The following NPTX2 variants were observed in gnomAD, a reference collection of about 807,000 sequenced individuals.
NPTX2 encodes the protein neuronal pentraxin 2.
In NPTX2, 23 loss-of-function variants were observed where a neutral mutation model predicts 38.1. That is an observed-to-expected ratio of 0.60 (90% CI 0.43 to 0.85). The LOEUF (loss-of-function observed/expected upper bound fraction) is 0.85. Among genes scored for constraint, NPTX2 ranks in the 40% least tolerant of loss-of-function variants. NPTX2 has a pLI of 0.00. For missense variants in NPTX2, 553 were observed against 615.3 expected, an observed-to-expected ratio of 0.90 and a Z score of 1.07; for synonymous variants, 291 against 287.3, an observed-to-expected ratio of 1.01 and a Z score of -0.13.
At position 98,619,846 on chromosome 7, in the gene NPTX2, C is replaced by T. The variant is rs773856934; in HGVS notation, c.630C>T (p.Thr210=). 9 of 1,613,662 alleles carry T rather than the reference C, an allele frequency of 5.6e-6. No homozygotes were observed. In the South Asian group the frequency reaches 7.7e-5, roughly 14 times the overall value. ...STLNALLQRV[T]ELERGNSAFK... is the part of the protein sequence containing the mutation. ...TGAACGCGCTGCTGCAGAGGGTCAC[C>T]GAGCTGGAGCGAGGTGTGTGCCTGG... Residue 210 remains threonine, a synonymous_variant, in exon 2 of 5, where the codon ACC becomes ACT. Transcript: ENST00000265634.
Position 98,619,862 on chromosome 7 carries a change from G to C in NPTX2, c.643+3G>C, listed in dbSNP as rs1791246876. 6 of 1,612,904 alleles carry C rather than the reference G, an allele frequency of 3.7e-6. No homozygotes were observed. The highest frequency in any genetic ancestry group is 5.1e-6 in the Non-Finnish European group (6 of 1,179,586). On this transcript the variant is annotated splice_donor_region_variant and intron_variant, in intron 2 of 4. Coordinates refer to ENST00000265634, the MANE Select transcript of NPTX2 (RefSeq NM_002523.3). Reference sequence around the variant, plus strand: ...GAGGGTCACCGAGCTGGAGCGAGGTGTGTGCCTGGCCTGTTTCTCTGTCTG... The same window carrying C: ...GAGGGTCACCGAGCTGGAGCGAGGTCTGTGCCTGGCCTGTTTCTCTGTCTG...
chr7:98,626,771 C>CACAG (rs3063921), intron 3 of NPTX2, among the ~76,000 whole-genome samples: 23,472 of 152,112 alleles, frequency 0.15, 2,887 homozygotes, highest in African/African-American at 0.34. Flanking sequence ...ACCCGCAGCA[C>CACAG]ACAGATCCCT....
At position 98,617,661 on chromosome 7, in the gene NPTX2, G is replaced by A; in HGVS notation, c.200G>A (p.Arg67His). ...EELRAAVLQL[R>H]ETVVQQKETL... ...CTGAGGGCCGCGGTGCTGCAGCTGC[G>A]CGAGACCGTCGTGCAGCAGAAGGAG... is the stretch of plus-strand genomic sequence containing the variant. Residue 67 changes from arginine to histidine, a missense_variant, in exon 1 of 5, where the codon CGC becomes CAC. By Grantham distance (29) the Arg-to-His change is conservative (BLOSUM62 0). Coordinates refer to ENST00000265634, the MANE Select transcript of NPTX2 (RefSeq NM_002523.3). 1 of 1,481,312 alleles carries A rather than the reference G, an allele frequency of 6.8e-7. No individual in the cohort carries two copies. Among genetic ancestry groups the A allele is most frequent in the South Asian group, 1.3e-5 (1 of 78,176 alleles). The allele number at this position is 1,481,312 out of a possible 1,614,324, so 91.8% of individuals were successfully genotyped here. A position where few individuals can be genotyped will look rare whatever the true frequency, so the allele number is the denominator to read the frequency against.
rs1293849508 is a variant in NPTX2 at position 98,627,685 on chromosome 7, G to T, written c.1068+341G>T. On this transcript the variant is annotated intron_variant, in intron 4 of 4. Transcript: ENST00000265634. Reference sequence around the variant, plus strand: ...GGCACAGAGGGGTGTGAGTGTCCCTGTGGTCATGGGTCATCTCGTGACACA... The same window carrying T: ...GGCACAGAGGGGTGTGAGTGTCCCTTTGGTCATGGGTCATCTCGTGACACA... Among the ~76,000 whole-genome samples the T allele has an allele frequency of 2.0e-5, 3 of 152,310 alleles. No individual in the cohort carries two copies. In the East Asian group the frequency reaches 5.8e-4, roughly 29 times the overall value.
chr7:98,624,950 G>T lies in NPTX2; in HGVS notation c.672G>T (p.Ala224=), dbSNP rs200093714. The T allele has an allele frequency of 6.2e-7, 1 of 1,613,448 alleles. No homozygotes were observed. The highest frequency in any genetic ancestry group is 8.5e-7 in the Non-Finnish European group (1 of 1,179,846). The change falls in exon 3 of 5, where the codon GCG becomes GCT. Residue 224 remains alanine, a synonymous_variant. Transcript: ENST00000265634. ...ATAGCGCCTTTAAGTCACCAGATGC[G>T]TTCAAGGTGTCCCTCCCACTCCGCA... is the stretch of plus-strand genomic sequence containing the variant. The part of the protein sequence containing the change: ...RGNSAFKSPD[A]FKVSLPLRTN...
chr7:98,628,531 G>A lies in NPTX2; in HGVS notation c.1198G>A (p.Gly400Ser), dbSNP rs772765872. 3 of 1,611,684 alleles carry A rather than the reference G, an allele frequency of 1.9e-6. No individual in the cohort carries two copies. Among genetic ancestry groups the A allele is most frequent in the East Asian group, 4.5e-5 (2 of 44,834 alleles). The change falls in exon 5 of 5, where the codon GGC becomes AGC. Residue 400 changes from glycine to serine, a missense_variant. By Grantham distance (56) the Gly-to-Ser change is moderately conservative. Transcript: ENST00000265634. Reference protein sequence around the residue: ...NIANCSTNMPGNIIPWVDNNV... With the variant: ...NIANCSTNMPSNIIPWVDNNV... ...CGCCAACTGCTCCACAAACATGCCG[G>A]GCAACATCATCCCGTGGGTGGACAA...
In NPTX2 at chr7:98,628,382, C is replaced by G. The variant is rs764836303; in HGVS notation, c.1069-20C>G. On this transcript the variant is annotated intron_variant, in intron 4 of 4. Transcript: ENST00000265634. ...CTTGTGAACCAGCCCTGACGCAGCT[C>G]TCTTGTTCCCATTCCCCAGGACACC... 5 of 1,332,416 alleles carry G rather than the reference C, an allele frequency of 3.8e-6. No individual in the cohort carries two copies. In the African/African-American group the frequency reaches 4.3e-5, roughly 11 times the overall value. 82.5% of individuals were successfully genotyped at this position (1,332,416 alleles called of 1,614,324 possible). A position where few individuals can be genotyped will look rare whatever the true frequency, so the allele number is the denominator to read the frequency against.
intron 2 of NPTX2, 127 bp downstream of exon 2, chr7:98,619,986 G>A: frequency 2.5e-6 from 2 of 803,786 alleles, no homozygotes; most frequent in Non-Finnish European, 4.1e-6. Flanking sequence ...CCGAGTGTGT[G>A]AGCAAATAAT....
At chr7:98,619,370 T>C (rs1448162144) in intron 1 of NPTX2, among the ~76,000 whole-genome samples, 1 of 152,222 alleles carries the variant, frequency 6.6e-6, no homozygotes, top group Non-Finnish European at 1.5e-5. Flanking sequence ...GGTTAGAATA[T>C]TGACTTTTTA....
intron 1 of NPTX2, 92 bp from the exon 2 acceptor site, chr7:98,619,551 C>G: frequency 9.3e-7 from 1 of 1,075,410 alleles, no homozygotes; most frequent in South Asian, 1.4e-5. Flanking sequence ...GTTTTGGAAG[C>G]TTCTCCCTGT....
At position 98,628,412 on chromosome 7, in the gene NPTX2, G is replaced by C. The variant is rs565902154; in HGVS notation, c.1079G>C (p.Gly360Ala). The stretch of plus-strand genomic sequence containing the variant: ...GTTCCCATTCCCCAGGACACCGTGG[G>C]GGGTAGGTTTGATGCCACTCAGGCA... ...LILGQEQDTVGGRFDATQAFV... is the reference protein window; with the variant it reads ...LILGQEQDTVAGRFDATQAFV... Residue 360 changes from glycine to alanine, a missense_variant, in exon 5 of 5, where the codon GGG becomes GCG. Gly to Ala is a moderately conservative substitution (Grantham distance 60). Coordinates refer to ENST00000265634, the MANE Select transcript of NPTX2 (RefSeq NM_002523.3). 1.9e-6 allele frequency: 3 copies of C among 1,589,914 alleles called. No homozygotes were observed. Among genetic ancestry groups the C allele is most frequent in the Middle Eastern group, 1.7e-4 (1 of 6,028 alleles).
rs149852451 is a variant in NPTX2 at position 98,625,833 on chromosome 7, G to T, written c.888+667G>T. ...AATGCCCCTTCTTAATAGACTGCTT[G>T]GTTTTGGCATTCAGGAGTGGTCTTC... is the stretch of plus-strand genomic sequence containing the variant. On this transcript the variant is annotated intron_variant, in intron 3 of 4. Transcript: ENST00000265634. Among the ~76,000 whole-genome samples the T allele has an allele frequency of 3.2e-3, 480 of 151,894 alleles. 7 individuals are homozygous for T. Among genetic ancestry groups the T allele is most frequent in the African/African-American group, 0.011 (450 of 41,426 alleles).
chr7:98,617,804 G>T lies in NPTX2; in HGVS notation c.343G>T (p.Asp115Tyr), dbSNP rs1391935921. The T allele has an allele frequency of 6.5e-7, 1 of 1,531,882 alleles. No homozygotes were observed. The highest frequency in any genetic ancestry group is 8.7e-7 in the Non-Finnish European group (1 of 1,147,018). 94.9% of individuals were successfully genotyped at this position (1,531,882 alleles called of 1,614,324 possible). A position where few individuals can be genotyped will look rare whatever the true frequency, so the allele number is the denominator to read the frequency against. Residue 115 changes from aspartate (D) to tyrosine (Y), a missense_variant, in exon 1 of 5, where the codon GAC becomes TAC. Asp to Tyr is a radical substitution (Grantham distance 160, BLOSUM62 -3). Transcript: ENST00000265634. ...AGATGKDTMG[D>Y]LPRDPGHVVE... Reference sequence around the variant, plus strand: ...GGCCACGGGCAAGGACACTATGGGCGACCTGCCGCGGGACCCCGGCCACGT... The same window carrying T: ...GGCCACGGGCAAGGACACTATGGGCTACCTGCCGCGGGACCCCGGCCACGT...
chr7:98,627,169 C>A lies in NPTX2; in HGVS notation c.893C>A (p.Ala298Glu). 1 of 1,610,786 alleles carries A rather than the reference C, an allele frequency of 6.2e-7. No homozygotes were observed. Among genetic ancestry groups the A allele is most frequent in the Non-Finnish European group, 8.5e-7 (1 of 1,177,402 alleles). The stretch of plus-strand genomic sequence containing the variant: ...CCTGCACATTGCTGCTCACAGGTTG[C>A]GCAGCTGCCCCTGTTTGTCAGTGAC... ...PIELLINDKV[A>E]QLPLFVSDGK... The change falls in exon 4 of 5, where the codon GCG becomes GAG. Residue 298 changes from alanine (A) to glutamate (E), a missense_variant. Physicochemically the swap from Ala to Glu is moderately radical, Grantham distance 107. Transcript: ENST00000265634.
At chr7:98,621,169 A>G (rs1309926959) in intron 2 of NPTX2, among the ~76,000 whole-genome samples, 2 of 152,112 alleles carry the variant, frequency 1.3e-5, no homozygotes, top group Non-Finnish European at 2.9e-5. Context: ...AAGGTAAGCC[A>G]TCATCATGGC....
intron 3 of NPTX2, 122 bp from the exon 4 acceptor site, chr7:98,627,043 C>A: frequency 1.7e-6 from 1 of 603,034 alleles, no homozygotes; most frequent in East Asian, 2.8e-5. Flanking sequence ...CACGCATGAC[C>A]CCGGTGACAG....
At chr7:98,623,825 G>A (rs534920035) in intron 2 of NPTX2, among the ~76,000 whole-genome samples, 31 of 152,286 alleles carry the variant, frequency 2.0e-4, no homozygotes, top group South Asian at 6.2e-4. Context: ...TAGATCCTGC[G>A]AAGATTTCAA....
rs1275253904 is a variant in NPTX2, at chr7:98,628,587, G to A, written c.1254G>A (p.Lys418=). Residue 418 remains lysine, a synonymous_variant, in exon 5 of 5, where the codon AAG becomes AAA. Transcript: ENST00000265634. ...TCGATGTGTTCGGAGGGGCCTCCAAGTGGCCCGTGGAGACGTGTGAGGAGC... is the reference window on the plus strand; with the variant it reads ...TCGATGTGTTCGGAGGGGCCTCCAAATGGCCCGTGGAGACGTGTGAGGAGC... The part of the protein sequence containing the change: ...NNVDVFGGAS[K]WPVETCEERL... 1 of 1,600,428 alleles carries A rather than the reference G, an allele frequency of 6.2e-7. No individual in the cohort carries two copies. The highest frequency in any genetic ancestry group is 8.5e-7 in the Non-Finnish European group (1 of 1,171,532).
chr7:98,617,496 C>G lies in NPTX2; in HGVS notation c.35C>G (p.Ala12Gly), dbSNP rs1265628191. The G allele has an allele frequency of 2.4e-6, 3 of 1,261,906 alleles. No homozygotes were observed. In the African/African-American group the frequency reaches 4.7e-5, roughly 20 times the overall value. The allele number at this position is 1,261,906 out of a possible 1,614,324, so 78.2% of individuals were successfully genotyped here. Residue 12 changes from alanine to glycine, a missense_variant, in exon 1 of 5, where the codon GCC (alanine) becomes GGC (glycine). Physicochemically the swap from Ala to Gly is moderately conservative, Grantham distance 60. Transcript: ENST00000265634. ...LALLAASVALAVAAGAQDSPA... is the reference protein window; with the variant it reads ...LALLAASVALGVAAGAQDSPA... ...CTGCTGGCCGCCAGCGTGGCGCTCG[C>G]CGTGGCCGCTGGGGCCCAGGACAGC...
Sources: allele counts gnomAD v4.1 joint callset (sites outside exome capture counted in the v4.1 genomes callset), GRCh38; gene constraint gnomAD v4.1.1; transcripts MANE v1.5; gene names NCBI Gene and HGNC (gene_info 2026-07-23, HGNC 2026-07-21).